The following GPC6 variants were observed in gnomAD, a reference collection of about 807,000 sequenced individuals.
The protein encoded by GPC6 is glypican 6.
A neutral mutation model predicts 55.2 loss-of-function variants in GPC6; 14 were observed. The ratio of observed to expected loss-of-function variants is 0.25; its 90% CI spans 0.17 to 0.40. The LOEUF is 0.40. Ranked by LOEUF, GPC6 falls within the 10% of genes least tolerant of loss-of-function variation. The pLI is 1.00. For missense variants in GPC6, 641 were observed against 708.5 expected, an observed-to-expected ratio of 0.90 and a Z score of 1.08; for synonymous variants, 278 against 259.6, an observed-to-expected ratio of 1.07 and a Z score of -0.68.
At chr13:94,193,689 G>A (rs1886929) in intron 4 of GPC6, among the ~76,000 whole-genome samples, 28,086 of 152,050 alleles carry the variant, frequency 0.18, 3,431 homozygotes, top group African/African-American at 0.31. Flanking sequence ...GGGCTAGCCC[G>A]ACTACAAAGA....
intron 4 of GPC6, among the ~76,000 whole-genome samples, chr13:94,274,246 G>A (rs1892132460): frequency 6.6e-6 from 1 of 152,114 alleles, no homozygotes; most frequent in Non-Finnish European, 1.5e-5. Context: ...AGCAAAATAA[G>A]CCTCTTTGTT....
intron 6 of GPC6, among the ~76,000 whole-genome samples, chr13:94,332,463 G>C (rs962293784): frequency 6.6e-6 from 1 of 152,184 alleles, no homozygotes; most frequent in African/African-American, 2.4e-5. Context: ...GTTCCATTTT[G>C]CAAGTTTTTA....
chr13:93,489,709 A>G (rs1879882847), intron 1 of GPC6, among the ~76,000 whole-genome samples: 1 of 151,518 alleles, frequency 6.6e-6, no homozygotes, highest in African/African-American at 2.4e-5. Context: ...TTGGATTCCT[A>G]GGTATTTTAT....
chr13:93,796,068 T>C (rs544099097), intron 2 of GPC6, among the ~76,000 whole-genome samples: 1 of 150,280 alleles, frequency 6.7e-6, no homozygotes, highest in African/African-American at 2.4e-5. Context: ...TGGTGGCGTG[T>C]GCCTGTAGTC....
chr13:93,343,739 C>T (rs1219704025), intron 1 of GPC6, among the ~76,000 whole-genome samples: 2 of 152,156 alleles, frequency 1.3e-5, no homozygotes, highest in Non-Finnish European at 2.9e-5. Flanking sequence ...ATTAGACTAC[C>T]TGACGTTTCT....
chr13:93,810,075 G>A (rs537723076), intron 2 of GPC6, among the ~76,000 whole-genome samples: 3 of 152,070 alleles, frequency 2.0e-5, no homozygotes, highest in African/African-American at 4.8e-5. Flanking sequence ...CCTTCCCTAC[G>A]CATATTGTCT....
intron 3 of GPC6, among the ~76,000 whole-genome samples, chr13:93,890,706 AT>A (rs1875623592): frequency 7.0e-6 from 1 of 141,892 alleles, no homozygotes; most frequent in African/African-American, 2.7e-5. Context: ...TCTGTTATAA[AT>A]TTTACTTAAT....
intron 4 of GPC6, among the ~76,000 whole-genome samples, chr13:94,036,652 T>C (rs1401099021): frequency 6.6e-6 from 1 of 151,994 alleles, no homozygotes; most frequent in Non-Finnish European, 1.5e-5. Context: ...GAGAAAGTTT[T>C]AGAAGTAACA....
Position 94,406,640 on chromosome 13 carries a change from C to A in GPC6, c.*3423C>A, listed in dbSNP as rs762013824. 1 of 152,032 alleles carries A rather than the reference C, an allele frequency of 6.6e-6. No homozygotes were observed. The highest frequency in any genetic ancestry group is 2.4e-5 in the African/African-American group (1 of 41,430). The allele number at this position is 152,032 out of a possible 1,614,324, so 9.4% of individuals were successfully genotyped here. ...TTGAAAATATTATTACAGGCAGAACCCTGATTTTTAATTTATATTCCCTGC... is the reference window on the plus strand; with the variant it reads ...TTGAAAATATTATTACAGGCAGAACACTGATTTTTAATTTATATTCCCTGC... On this transcript the variant is annotated 3_prime_UTR_variant, in exon 9 of 9. Coordinates refer to ENST00000377047, the MANE Select transcript of GPC6 (RefSeq NM_005708.5).
rs1594628258 is a variant in GPC6 at position 93,967,604 on chromosome 13, C to T, written c.712-60125C>T. On this transcript the variant is annotated intron_variant, in intron 3 of 8. Transcript: ENST00000377047. Reference sequence around the variant, plus strand: ...CTTCCCCTCACCTGCCTGAGTTATGCACCTGTAAAACATCTTTCTGCGGTT... The same window carrying T: ...CTTCCCCTCACCTGCCTGAGTTATGTACCTGTAAAACATCTTTCTGCGGTT... Among the ~76,000 whole-genome samples the T allele has an allele frequency of 2.0e-5, 3 of 152,282 alleles. No homozygotes were observed. In the South Asian group the frequency reaches 6.2e-4, roughly 32 times the overall value.
chr13:93,231,395 A>ATG lies in GPC6; in HGVS notation c.160+3781_160+3782dup, dbSNP rs1555336150. Among the ~76,000 whole-genome samples the ATG allele has an allele frequency of 5.1e-3, 121 of 23,676 alleles. 2 individuals carry two copies. Among genetic ancestry groups the ATG allele is most frequent in the Admixed American group, 0.012 (21 of 1,776 alleles). 15.5% of individuals were successfully genotyped at this position (23,676 alleles called of 152,430 possible). A position where few individuals can be genotyped will look rare whatever the true frequency, so the allele number is the denominator to read the frequency against. On this transcript the variant is annotated intron_variant, in intron 1 of 8. Coordinates refer to ENST00000377047, the MANE Select transcript of GPC6 (RefSeq NM_005708.5). ...TATATATATACATATATATATATAT[A>ATG]TGTATATATATATATATATATATAT...
chr13:94,282,973 A>G (rs187185400), intron 4 of GPC6, among the ~76,000 whole-genome samples: 1 of 152,378 alleles, frequency 6.6e-6, no homozygotes, highest in East Asian at 1.9e-4. Context: ...GATGCACATC[A>G]TAAGAAAATA....
intron 6 of GPC6, among the ~76,000 whole-genome samples, chr13:94,334,446 ATAG>A (rs1161741747): frequency 6.6e-6 from 1 of 152,358 alleles, no homozygotes; most frequent in Admixed American, 6.5e-5. Flanking sequence ...AGGTATCAAT[ATAG>A]ATGTTTAAAG....
intron 4 of GPC6, among the ~76,000 whole-genome samples, chr13:94,065,017 CA>C (rs1884467014): frequency 6.6e-6 from 1 of 152,028 alleles, no homozygotes; most frequent in Non-Finnish European, 1.5e-5. Flanking sequence ...GGAATTTTAG[CA>C]TTTTCATAAA....
intron 1 of GPC6, among the ~76,000 whole-genome samples, chr13:93,467,883 G>A: frequency 6.6e-6 from 1 of 152,042 alleles, no homozygotes; most frequent in East Asian, 1.9e-4. Flanking sequence ...GAGCCACTGT[G>A]CCCAGCCAAG....
chr13:93,824,358 A>T (rs1887159934), intron 2 of GPC6, among the ~76,000 whole-genome samples: 7 of 152,204 alleles, frequency 4.6e-5, no homozygotes, highest in Admixed American at 3.9e-4. Flanking sequence ...AATGTGTGAG[A>T]CTCAAAAGTG....
intron 3 of GPC6, among the ~76,000 whole-genome samples, chr13:93,865,490 T>C (rs1376336920): frequency 6.6e-6 from 1 of 151,668 alleles, no homozygotes; most frequent in Non-Finnish European, 1.5e-5. Flanking sequence ...GATATCTCAC[T>C]GTGGATCTGA....
chr13:93,912,280 A>G (rs1877024545), intron 3 of GPC6, among the ~76,000 whole-genome samples: 1 of 152,194 alleles, frequency 6.6e-6, no homozygotes, highest in African/African-American at 2.4e-5. Context: ...GCTTCTTTCA[A>G]AATTACTTTC....
At chr13:93,350,761 G>T (rs1880604184) in intron 1 of GPC6, among the ~76,000 whole-genome samples, 1 of 152,258 alleles carries the variant, frequency 6.6e-6, no homozygotes, top group South Asian at 2.1e-4. Context: ...TAAGAGAAAA[G>T]CTAGATCAAG....
Sources: gnomAD v4.1 joint callset for allele counts (sites outside exome capture counted in the v4.1 genomes callset) on GRCh38, gnomAD v4.1.1 for gene constraint, MANE v1.5 for transcripts, NCBI Gene and HGNC (gene_info 2026-07-23, HGNC 2026-07-21) for gene names.